ECM2: variants seen among roughly 807,000 people sequenced by gnomAD.
ECM2 encodes the protein extracellular matrix protein 2, female organ and adipocyte specific.
A neutral mutation model predicts 67.5 loss-of-function variants in ECM2; 57 were observed. The ratio of observed to expected loss-of-function variants is 0.84; its 90% CI spans 0.68 to 1.05. ECM2 has a LOEUF of 1.05. Ranked by LOEUF, ECM2 falls within the 50% of genes least tolerant of loss-of-function variation. The probability of loss-of-function intolerance (pLI) is 0.00; values close to 1 mark genes in which losing one functional copy is unlikely to be tolerated. For missense variants in ECM2, 741 were observed against 822.8 expected, an observed-to-expected ratio of 0.90 and a Z score of 1.22; for synonymous variants, 258 against 294.5, an observed-to-expected ratio of 0.88 and a Z score of 1.27.
At chr9:92,547,776 A>T in the ECM2 span, among the ~76,000 whole-genome samples, 9 of 152,230 alleles carry the variant, frequency 5.9e-5, no homozygotes, top group African/African-American at 2.2e-4. Context: ...ATGGAATTGT[A>T]TATTTTAAAG....
At chr9:92,547,804 G>A in the ECM2 span, among the ~76,000 whole-genome samples, 10 of 152,176 alleles carry the variant, frequency 6.6e-5, no homozygotes, top group Admixed American at 5.9e-4. Context: ...TTTATGGTAC[G>A]TAAATTATAT....
At chr9:92,548,589 C>A in the ECM2 span, among the ~76,000 whole-genome samples, 29 of 152,092 alleles carry the variant, frequency 1.9e-4, no homozygotes, top group African/African-American at 7.0e-4. Flanking sequence ...AAATAATTGT[C>A]TTTATACAGT....
the ECM2 span, among the ~76,000 whole-genome samples, chr9:92,546,046 G>T: frequency 6.6e-6 from 1 of 151,788 alleles, no homozygotes; most frequent in Non-Finnish European, 1.5e-5. Flanking sequence ...GTCTAGCTCA[G>T]GGTTTGCAAA....
chr9:92,545,404 C>T, the ECM2 span, among the ~76,000 whole-genome samples: 4 of 152,168 alleles, frequency 2.6e-5, no homozygotes, highest in Admixed American at 2.6e-4. Context: ...CCAGCAGCTG[C>T]GGAGGGTGCG....
intron 1 of ECM2, among the ~76,000 whole-genome samples, chr9:92,534,882 C>A (rs1849071697): frequency 6.6e-6 from 1 of 152,138 alleles, no homozygotes; most frequent in Non-Finnish European, 1.5e-5. Flanking sequence ...GACCTTCCAT[C>A]CTGTTGTGAG....
In ECM2 at chr9:92,514,853, C is replaced by T. The variant is rs149244773; in HGVS notation, c.832G>A (p.Glu278Lys). 2.8e-4 allele frequency: 449 copies of T among 1,612,792 alleles called. 2 individuals carry two copies. The African/African-American group carries it at 5.6e-3, about 20-fold the overall frequency. The part of the protein sequence containing the change: ...GREEEEDEEE[E>K]GEEGEEDEED... ...TCATCCTCCTCACCCTCCTCACCCT[C>T]CTCCTCCTCATCCTCCTCCTCCTCC... is the stretch of plus-strand genomic sequence containing the variant. Residue 278 changes from glutamate to lysine, a missense_variant, in exon 4 of 10, where the codon GAG becomes AAG. Transcript: ENST00000344604.
At chr9:92,521,393 T>C (rs1201997649) in intron 2 of ECM2, among the ~76,000 whole-genome samples, 1 of 152,226 alleles carries the variant, frequency 6.6e-6, no homozygotes, top group East Asian at 1.9e-4. Context: ...GTTTTTAAGT[T>C]GATTTCTCTT....
At position 92,505,596 on chromosome 9, in the gene ECM2, G is replaced by T; in HGVS notation, c.1401C>A (p.Ala467=). The T allele has an allele frequency of 6.2e-7, 1 of 1,610,848 alleles. No homozygotes were observed. Among genetic ancestry groups the T allele is most frequent in the Non-Finnish European group, 8.5e-7 (1 of 1,179,170 alleles). The change falls in exon 7 of 10, where the codon GCC becomes GCA. Residue 467 remains alanine (A), a synonymous_variant. Transcript: ENST00000344604. ...ATTTATTTTTTCCCAGACGCAAGTA[G>T]GCTAGGCTCTTCAAAGGTTTGAAAG... is the stretch of plus-strand genomic sequence containing the variant. ...PLAFKPLKSL[A]YLRLGKNKFR...
In ECM2 at chr9:92,510,042, A is replaced by T; in HGVS notation, c.1171-8T>A. 7 of 1,586,396 alleles carry T rather than the reference A, an allele frequency of 4.4e-6. No homozygotes were observed. The highest frequency in any genetic ancestry group is 6.0e-6 in the Non-Finnish European group (7 of 1,171,576). On this transcript the variant is annotated splice_polypyrimidine_tract_variant and splice_region_variant and intron_variant, in intron 5 of 9. Coordinates refer to ENST00000344604, the MANE Select transcript of ECM2 (RefSeq NM_001393.4). ...CATTAACTTCTTCAGAAGCTTAAAA[A>T]GCAAATCTCAAAGTTACTTTTTTAT...
chr9:92,547,778 A>AT, the ECM2 span, among the ~76,000 whole-genome samples: 1 of 152,220 alleles, frequency 6.6e-6, no homozygotes, highest in Non-Finnish European at 1.5e-5. Flanking sequence ...GGAATTGTAT[A>AT]TTTTAAAGTA....
chr9:92,554,119 C>T, the ECM2 span, among the ~76,000 whole-genome samples: 2 of 151,824 alleles, frequency 1.3e-5, no homozygotes, highest in East Asian at 3.9e-4. Context: ...AATCGTAAAG[C>T]GATGCTGGAT....
At position 92,514,854 on chromosome 9, in the gene ECM2, C is replaced by G; in HGVS notation, c.831G>C (p.Glu277Asp). 6.2e-7 allele frequency: 1 copy of G among 1,612,534 alleles called. No homozygotes were observed. The highest frequency in any genetic ancestry group is 8.5e-7 in the Non-Finnish European group (1 of 1,179,200). The change falls in exon 4 of 10, where the codon GAG becomes GAC. Residue 277 changes from glutamate to aspartate, a missense_variant. Coordinates refer to ENST00000344604, the MANE Select transcript of ECM2 (RefSeq NM_001393.4). ...QGREEEEDEE[E>D]EGEEGEEDEE... ...CATCCTCCTCACCCTCCTCACCCTCCTCCTCCTCATCCTCCTCCTCCTCCC... is the reference window on the plus strand; with the variant it reads ...CATCCTCCTCACCCTCCTCACCCTCGTCCTCCTCATCCTCCTCCTCCTCCC...
At position 92,500,787 on chromosome 9, in the gene ECM2, G is replaced by C. The variant is rs752368753; in HGVS notation, c.1871C>G (p.Pro624Arg). The change falls in exon 9 of 10, where the codon CCA becomes CGA. Residue 624 changes from proline to arginine, a missense_variant. Transcript: ENST00000344604. ...TGCTTTCATTTCTTGTATCCCAGGT[G>C]GTATAGATTTTAAGTCATTGTGATC... ...FLDHNDLKSI[P>R]PGIQEMKALH... 9.3e-6 allele frequency: 15 copies of C among 1,614,104 alleles called. No individual in the cohort carries two copies. Among genetic ancestry groups the C allele is most frequent in the Non-Finnish European group, 1.2e-5 (14 of 1,180,026 alleles).
the ECM2 span, among the ~76,000 whole-genome samples, chr9:92,554,330 C>T: frequency 5.3e-5 from 8 of 152,112 alleles, 1 homozygote; most frequent in East Asian, 1.6e-3. Flanking sequence ...ATTACAGGCA[C>T]GTGCCACCAC....
chr9:92,541,057 C>G (rs1342053948), upstream of ECM2, among the ~76,000 whole-genome samples: 1 of 151,798 alleles, frequency 6.6e-6, no homozygotes, highest in African/African-American at 2.4e-5. Flanking sequence ...GTCAGGAGTT[C>G]AAGACCAGCC....
intron 7 of ECM2, among the ~76,000 whole-genome samples, chr9:92,504,669 C>T (rs533777443): frequency 1.1e-4 from 16 of 152,108 alleles, no homozygotes; most frequent in East Asian, 3.9e-4. Flanking sequence ...TGAGCAGCTA[C>T]GACTACAGGT....
Position 92,515,191 on chromosome 9 carries a change from AGAGAATAG to A in ECM2, c.486_493del (p.Tyr163ThrfsTer8), listed in dbSNP as rs779890428. 1 of 1,570,192 alleles carries A rather than the reference AGAGAATAG, an allele frequency of 6.4e-7. No individual in the cohort carries two copies. The highest frequency in any genetic ancestry group is 1.2e-5 in the South Asian group (1 of 82,476). On this transcript the variant is annotated frameshift_variant, in exon 4 of 10. Coordinates refer to ENST00000344604, the MANE Select transcript of ECM2 (RefSeq NM_001393.4). LOFTEE classifies it high-confidence loss of function. ...ATCATTTAATGCTATACCACTGAGT[AGAGAATAG>A]GAGACTAATGACCACGCAAGGATGA...
In ECM2 at chr9:92,496,456, A is replaced by T; in HGVS notation, c.1959T>A (p.Asn653Lys). 1 of 1,609,066 alleles carries T rather than the reference A, an allele frequency of 6.2e-7. No individual in the cohort carries two copies. The highest frequency in any genetic ancestry group is 8.5e-7 in the Non-Finnish European group (1 of 1,178,856). ...IRNILPEEIC[N>K]AEEDDDSNLE... ...GATTTGAGTCATCATCCTCTTCAGCATTGCAAATTTCTTCTGGAAGAATGT... is the reference window on the plus strand; with the variant it reads ...GATTTGAGTCATCATCCTCTTCAGCTTTGCAAATTTCTTCTGGAAGAATGT... The change falls in exon 10 of 10, where the codon AAT becomes AAA. Residue 653 changes from asparagine to lysine, a missense_variant. Coordinates refer to ENST00000344604, the MANE Select transcript of ECM2 (RefSeq NM_001393.4).
intron 2 of ECM2, 147 bp downstream of exon 2, chr9:92,522,428 C>T: frequency 1.0e-6 from 1 of 963,356 alleles, no homozygotes; most frequent in Non-Finnish European, 1.4e-6. Flanking sequence ...GTAGATTAAA[C>T]CAAAAAGTAA....
Sources: gnomAD v4.1 joint callset for allele counts (sites outside exome capture counted in the v4.1 genomes callset) on GRCh38, gnomAD v4.1.1 for gene constraint, MANE v1.5 for transcripts, NCBI Gene and HGNC (gene_info 2026-07-23, HGNC 2026-07-21) for gene names.